Variants in DENND10 observed in about 807,000 individuals in gnomAD.
DENND10 encodes DENN domain-containing protein 10.
DENND10 carries 24 observed loss-of-function variants against 43.6 expected under a neutral mutation model. The observed-to-expected ratio is 0.55, with a 90% CI of 0.40 to 0.77. The LOEUF (loss-of-function observed/expected upper bound fraction) is 0.77, where lower values mean the gene tolerates loss of function less well. Among genes scored for constraint, DENND10 ranks in the 30% least tolerant of loss-of-function variants. DENND10 has a pLI of 0.00. For synonymous variants in DENND10, 125 were observed against 157.6 expected, an observed-to-expected ratio of 0.79 and a Z score of 1.55; for missense variants, 303 against 429.9, an observed-to-expected ratio of 0.70 and a Z score of 2.61.
intron 3 of DENND10, among the ~76,000 whole-genome samples, chr10:119,116,710 C>A (rs1172911234): frequency 6.8e-6 from 1 of 146,192 alleles, no homozygotes; most frequent in Admixed American, 7.2e-5. Flanking sequence ...GCTCTGTTGA[C>A]CAGGCTGGAA....
At chr10:119,136,446 C>T (rs1335888449) in intron 8 of DENND10, 25 bp from the exon 9 acceptor site, 6 of 1,586,264 alleles carry the variant, frequency 3.8e-6, no homozygotes, top group African/African-American at 2.7e-5. Flanking sequence ...TAACATGTTG[C>T]ATATATTTTC....
intron 3 of DENND10, among the ~76,000 whole-genome samples, chr10:119,116,229 A>C (rs1197392138): frequency 1.3e-5 from 2 of 152,246 alleles, no homozygotes; most frequent in East Asian, 1.9e-4. Context: ...CATGTGAGCT[A>C]TAAATGCAGC....
intron 8 of DENND10, among the ~76,000 whole-genome samples, chr10:119,136,202 T>TATC (rs1846351564): frequency 1.3e-5 from 2 of 151,502 alleles, no homozygotes; most frequent in Admixed American, 1.3e-4. Flanking sequence ...AAAAAGGAGT[T>TATC]ATCTTTTTTG....
intron 2 of DENND10, among the ~76,000 whole-genome samples, chr10:119,108,409 GGAGGC>G (rs1449830775): frequency 6.6e-6 from 1 of 151,572 alleles, no homozygotes; most frequent in Non-Finnish European, 1.5e-5. Flanking sequence ...CTTGAACCTG[GGAGGC>G]GGAGGTTGCG....
At position 119,119,847 on chromosome 10, in the gene DENND10, C is replaced by T. The variant is rs79775667; in HGVS notation, c.482-494C>T. Among the ~76,000 whole-genome samples the T allele has an allele frequency of 5.0e-3, 760 of 151,996 alleles. 6 individuals are homozygous for T. The highest frequency in any genetic ancestry group is 9.1e-3 in the Admixed American group (139 of 15,242). On this transcript the variant is annotated intron_variant, in intron 4 of 8. Coordinates refer to ENST00000361432, the MANE Select transcript of DENND10 (RefSeq NM_207009.4). Reference sequence around the variant, plus strand: ...ATGCATCCCATCATAGAGTCCCTTGCGGGGCAGAGCACACGTCCTGGGAAG... The same window carrying T: ...ATGCATCCCATCATAGAGTCCCTTGTGGGGCAGAGCACACGTCCTGGGAAG...
chr10:119,115,972 C>T (rs945241501), intron 3 of DENND10, among the ~76,000 whole-genome samples: 4 of 151,930 alleles, frequency 2.6e-5, no homozygotes, highest in South Asian at 4.2e-4. Context: ...CCGTGTTGCC[C>T]GGGCTGGTCT....
At chr10:119,124,189 G>A (rs1428254981) in intron 6 of DENND10, among the ~76,000 whole-genome samples, 2 of 138,088 alleles carry the variant, frequency 1.4e-5, no homozygotes, top group South Asian at 2.3e-4. Context: ...GCAAAACTCC[G>A]TCTCAAAAAA....
chr10:119,120,596 A>C, intron 5 of DENND10, 144 bp downstream of exon 5: 1 of 634,866 alleles, frequency 1.6e-6, no homozygotes, highest in South Asian at 1.9e-5. Context: ...GTTTCTGTTT[A>C]GCTCTAGTAG....
rs554676878 is a variant in DENND10, at chr10:119,111,715, A to G, written c.253-134A>G. The G allele has an allele frequency of 1.9e-5, 12 of 632,714 alleles. No individual in the cohort carries two copies. In the East Asian group the frequency reaches 3.0e-4, roughly 16 times the overall value. The allele number at this position is 632,714 out of a possible 1,614,324, so 39.2% of individuals were successfully genotyped here. ...ATGCAGAAGTATAAAGAAGCAAGTG[A>G]GGACTTGTTAAATTTTGGTCTTTTT... On this transcript the variant is annotated intron_variant, in intron 2 of 8. Transcript: ENST00000361432.
At chr10:119,115,045 T>C (rs1467148904) in intron 3 of DENND10, among the ~76,000 whole-genome samples, 1 of 152,008 alleles carries the variant, frequency 6.6e-6, no homozygotes, top group Non-Finnish European at 1.5e-5. Context: ...GTAGAGATTA[T>C]AAGCATGAGC....
At chr10:119,123,005 C>T (rs1009457121) in intron 5 of DENND10, among the ~76,000 whole-genome samples, 3 of 152,162 alleles carry the variant, frequency 2.0e-5, no homozygotes, top group South Asian at 2.1e-4. Context: ...CAGTGGCTCA[C>T]GCCTGTAATC....
chr10:119,115,966 G>A (rs1056813527), intron 3 of DENND10, among the ~76,000 whole-genome samples: 3 of 152,010 alleles, frequency 2.0e-5, no homozygotes, highest in Non-Finnish European at 2.9e-5. Flanking sequence ...GTTTCACCGT[G>A]TTGCCCGGGC....
At chr10:119,134,256 C>A (rs1299523388) in intron 8 of DENND10, 2 of 152,038 alleles carry the variant, frequency 1.3e-5, no homozygotes, top group Non-Finnish European at 2.9e-5. Context: ...CCAGGCTGAT[C>A]TTGAACTCCT....
At position 119,136,393 on chromosome 10, in the gene DENND10, A is replaced by T. The variant is rs551813776; in HGVS notation, c.898-78A>T. 1.6e-5 allele frequency: 24 copies of T among 1,506,652 alleles called. No individual in the cohort carries two copies. The South Asian group carries it at 2.7e-4, about 17-fold the overall frequency. 93.3% of individuals were successfully genotyped at this position (1,506,652 alleles called of 1,614,324 possible). Reference sequence around the variant, plus strand: ...CATAGTTTATAAACAGTCTGGAAAAAATAGGAAGAATTCTAGAGACTAAAT... The same window carrying T: ...CATAGTTTATAAACAGTCTGGAAAATATAGGAAGAATTCTAGAGACTAAAT... On this transcript the variant is annotated intron_variant, in intron 8 of 8. Transcript: ENST00000361432.
intron 5 of DENND10, among the ~76,000 whole-genome samples, chr10:119,120,989 AT>A (rs1845547615): frequency 1.3e-5 from 2 of 151,798 alleles, no homozygotes; most frequent in South Asian, 2.1e-4. Context: ...TTTTATTTTC[AT>A]TTTTAGTAGA....
chr10:119,104,296 G>C (rs1048216400), intron 1 of DENND10, 99 bp downstream of exon 1: 12 of 1,170,636 alleles, frequency 1.0e-5, no homozygotes, highest in Non-Finnish European at 1.4e-5. Flanking sequence ...CCCCGGCGCC[G>C]ACCGCATGAG....
At chr10:119,126,266 G>A (rs1236987424) in intron 6 of DENND10, among the ~76,000 whole-genome samples, 2 of 152,110 alleles carry the variant, frequency 1.3e-5, no homozygotes, top group Non-Finnish European at 2.9e-5. Flanking sequence ...GTGAACATGG[G>A]AATGGTGGTA....
At chr10:119,128,035 G>A (rs1186037737) in intron 6 of DENND10, among the ~76,000 whole-genome samples, 4 of 152,162 alleles carry the variant, frequency 2.6e-5, no homozygotes, top group African/African-American at 4.8e-5. Context: ...ACTGAAGGCC[G>A]GGTGGGATGG....
At chr10:119,129,462 G>C (rs898289031) in intron 6 of DENND10, 53 bp from the exon 7 acceptor site, 8 of 1,171,800 alleles carry the variant, frequency 6.8e-6, no homozygotes, top group Non-Finnish European at 9.0e-6. Flanking sequence ...TCTTTTGATG[G>C]GTTCACCATA....
Sources: allele counts gnomAD v4.1 joint callset (sites outside exome capture counted in the v4.1 genomes callset), GRCh38; gene constraint gnomAD v4.1.1; transcripts MANE v1.5; gene names NCBI Gene and HGNC (gene_info 2026-07-23, HGNC 2026-07-21).